ARID2: variants seen among roughly 807,000 people sequenced by gnomAD.
ARID2 encodes the protein AT-rich interaction domain 2.
ARID2 carries 32 observed loss-of-function variants against 184.6 expected under a neutral mutation model. The observed-to-expected ratio is 0.17, with a 90% CI of 0.13 to 0.23. ARID2 has a LOEUF of 0.23. ARID2 is among the 10% of genes least tolerant of loss of function. ARID2 has a pLI of 1.00. For missense variants in ARID2, 1,696 were observed against 2,197.6 expected (o/e 0.77, Z 4.56); for synonymous variants, 836 against 772.6 (o/e 1.08, Z -1.36).
At chr12:45,782,359 C>T (rs1194028118) in intron 3 of ARID2, among the ~76,000 whole-genome samples, 2 of 152,000 alleles carry the variant, frequency 1.3e-5, no homozygotes, top group African/African-American at 4.8e-5. Flanking sequence ...AAGCTGGGCA[C>T]GGTGGCTCAT....
rs2138170222 is a variant in ARID2 at position 45,851,344 on chromosome 12, G to C, written c.3221G>C (p.Gly1074Ala). ...CCGAAACGTGGTCCTTCAACACCAG[G>C]TGGTAAGCTTATTCTCCCAGCTCCA... is the stretch of plus-strand genomic sequence containing the variant. The part of the protein sequence containing the change: ...LLPKRGPSTP[G>A]GKLILPAPQI... Residue 1074 changes from glycine to alanine, a missense_variant, in exon 15 of 21, where the codon GGT (glycine) becomes GCT (alanine). Coordinates refer to ENST00000334344, the MANE Select transcript of ARID2 (RefSeq NM_152641.4). The C allele has an allele frequency of 6.2e-7, 1 of 1,614,106 alleles. No homozygotes were observed. Among genetic ancestry groups the C allele is most frequent in the Non-Finnish European group, 8.5e-7 (1 of 1,180,006 alleles).
chr12:45,755,867 A>G (rs1484852025), intron 3 of ARID2: 1 of 168,848 alleles, frequency 5.9e-6, no homozygotes, highest in Admixed American at 6.5e-5. Flanking sequence ...TGAACAGAAG[A>G]TAGATACACA....
At chr12:45,846,032 C>A (rs1204067976) in intron 11 of ARID2, 2 of 152,082 alleles carry the variant, frequency 1.3e-5, no homozygotes, top group Non-Finnish European at 2.9e-5. Flanking sequence ...TAACATACAT[C>A]ATTTTTCTAC....
intron 16 of ARID2, among the ~76,000 whole-genome samples, chr12:45,861,645 C>T (rs1038322475): frequency 5.1e-5 from 7 of 138,216 alleles, no homozygotes; most frequent in South Asian, 2.3e-4. Context: ...AGTGCAGTGG[C>T]GCTATCTCCA....
intron 5 of ARID2, among the ~76,000 whole-genome samples, chr12:45,819,618 G>A (rs976438719): frequency 2.0e-5 from 3 of 152,090 alleles, no homozygotes; most frequent in Non-Finnish European, 4.4e-5. Context: ...TACATATTTT[G>A]TGTGTTTGAA....
chr12:45,767,021 A>C (rs1941784888), intron 3 of ARID2, among the ~76,000 whole-genome samples: 1 of 152,106 alleles, frequency 6.6e-6, no homozygotes, highest in African/African-American at 2.4e-5. Context: ...TCTCACCAGC[A>C]ATGTTTGAAA....
At chr12:45,757,699 A>G (rs1479273879) in intron 3 of ARID2, among the ~76,000 whole-genome samples, 5 of 152,196 alleles carry the variant, frequency 3.3e-5, no homozygotes, top group Non-Finnish European at 7.3e-5. Flanking sequence ...GGAGTCGTTT[A>G]AAAAAGTCTG....
intron 16 of ARID2, among the ~76,000 whole-genome samples, chr12:45,865,058 G>A (rs1056085079): frequency 2.6e-5 from 4 of 152,128 alleles, no homozygotes; most frequent in African/African-American, 9.7e-5. Flanking sequence ...TATACAAATT[G>A]TGCCATTTTC....
At chr12:45,792,357 A>G (rs867857975) in intron 3 of ARID2, among the ~76,000 whole-genome samples, 1 of 152,154 alleles carries the variant, frequency 6.6e-6, no homozygotes, top group African/African-American at 2.4e-5. Flanking sequence ...ATTTCCTAGT[A>G]TTTCTGTTAT....
At chr12:45,883,414 A>G (rs1944135812) in intron 16 of ARID2, among the ~76,000 whole-genome samples, 2 of 151,214 alleles carry the variant, frequency 1.3e-5, no homozygotes, top group South Asian at 4.2e-4. Context: ...TAGTTGGGAA[A>G]AGAATTTCCT....
At position 45,851,792 on chromosome 12, in the gene ARID2, T is replaced by C. The variant is rs1943555363; in HGVS notation, c.3669T>C (p.Ser1223=). 1 of 1,613,986 alleles carries C rather than the reference T, an allele frequency of 6.2e-7. No homozygotes were observed. Among genetic ancestry groups the C allele is most frequent in the South Asian group, 1.1e-5 (1 of 91,088 alleles). Residue 1223 remains serine (S), a synonymous_variant, in exon 15 of 21, where the codon TCT becomes TCC. Transcript: ENST00000334344. ...AAACGCTTCCAGCCACTCAAGCATC[T>C]CCTGCTGGACAATCATCATGTACTA... ...PVQTLPATQA[S]PAGQSSCTTA... is the part of the protein sequence containing the mutation.
intron 3 of ARID2, among the ~76,000 whole-genome samples, chr12:45,757,488 A>G (rs534664406): frequency 3.9e-5 from 6 of 152,220 alleles, no homozygotes; most frequent in Non-Finnish European, 7.3e-5. Flanking sequence ...CCCAACTGGG[A>G]TAGTCTTGAA....
At chr12:45,860,616 C>T (rs1458586847) in intron 15 of ARID2, among the ~76,000 whole-genome samples, 185 bp from the exon 16 acceptor site, 1 of 151,656 alleles carries the variant, frequency 6.6e-6, no homozygotes, top group Non-Finnish European at 1.5e-5. Flanking sequence ...ATAAAATAAA[C>T]TTTCTAAATA....
intron 6 of ARID2, among the ~76,000 whole-genome samples, chr12:45,828,392 C>G: frequency 6.6e-6 from 1 of 151,958 alleles, no homozygotes. Flanking sequence ...TAGTTATTTC[C>G]AGGTTGGACA....
chr12:45,795,433 C>G (rs1565598926), intron 3 of ARID2, among the ~76,000 whole-genome samples: 1 of 151,838 alleles, frequency 6.6e-6, no homozygotes, highest in East Asian at 1.9e-4. Flanking sequence ...TTTTCTTTTT[C>G]TTTTTTATTT....
intron 10 of ARID2, 130 bp from the exon 11 acceptor site, chr12:45,839,199 C>G: frequency 1.1e-6 from 1 of 921,544 alleles, no homozygotes; most frequent in South Asian, 2.0e-5. Context: ...ACAGGTAATT[C>G]TGATGTACTG....
intron 3 of ARID2, among the ~76,000 whole-genome samples, chr12:45,799,869 A>G (rs1348983117): frequency 6.6e-6 from 1 of 152,174 alleles, no homozygotes; most frequent in African/African-American, 2.4e-5. Flanking sequence ...TTTCCCCTTC[A>G]GACAAGGTCT....
chr12:45,766,329 G>A (rs907774420), intron 3 of ARID2, among the ~76,000 whole-genome samples: 3 of 151,168 alleles, frequency 2.0e-5, no homozygotes, highest in African/African-American at 2.4e-5. Context: ...CACCACACCC[G>A]ACTAATTTTT....
intron 16 of ARID2, among the ~76,000 whole-genome samples, chr12:45,890,327 G>T (rs1944280355): frequency 6.6e-6 from 1 of 152,224 alleles, no homozygotes; most frequent in Admixed American, 6.5e-5. Context: ...TTAATTGTAT[G>T]TATTGAAAAA....
Sources: gnomAD v4.1 joint callset for allele counts (sites outside exome capture counted in the v4.1 genomes callset) on GRCh38, gnomAD v4.1.1 for gene constraint, MANE v1.5 for transcripts, NCBI Gene and HGNC (gene_info 2026-07-23, HGNC 2026-07-21) for gene names.